PPM1H: variants seen among roughly 807,000 people sequenced by gnomAD.
PPM1H encodes protein phosphatase 1H.
PPM1H carries 27 observed loss-of-function variants against 54.9 expected under a neutral mutation model. That is an observed-to-expected ratio of 0.49 (90% confidence interval 0.36 to 0.68). The LOEUF is 0.68. Ranked by LOEUF, PPM1H falls within the 30% of genes least tolerant of loss-of-function variation. The probability of loss-of-function intolerance (pLI) is 0.00; values close to 1 mark genes in which losing one functional copy is unlikely to be tolerated. For synonymous variants in PPM1H, 305 were observed against 270.8 expected (o/e 1.13, Z -1.24); for missense variants, 596 against 667.8 (o/e 0.89, Z 1.19).
chr12:62,800,737 C>G (rs1181213246), intron 3 of PPM1H, among the ~76,000 whole-genome samples: 1 of 152,146 alleles, frequency 6.6e-6, no homozygotes, highest in Non-Finnish European at 1.5e-5. Flanking sequence ...ATGCAGGCTG[C>G]CGAGCAAGAA....
chr12:62,877,799 T>C (rs1034598687), intron 1 of PPM1H, among the ~76,000 whole-genome samples: 2 of 152,182 alleles, frequency 1.3e-5, no homozygotes, highest in African/African-American at 2.4e-5. Context: ...TTTGCACTAT[T>C]AGACATTCAA....
intron 1 of PPM1H, among the ~76,000 whole-genome samples, chr12:62,904,362 T>C (rs938479141): frequency 1.2e-4 from 18 of 152,048 alleles, no homozygotes; most frequent in Admixed American, 7.2e-4. Flanking sequence ...CCTCAGCCTC[T>C]GAGTAGCAGG....
At chr12:62,712,788 C>A (rs139032234) in intron 6 of PPM1H, among the ~76,000 whole-genome samples, 279 of 152,280 alleles carry the variant, frequency 1.8e-3, no homozygotes, top group Non-Finnish European at 2.4e-3. Flanking sequence ...CCTTTAAAAA[C>A]CGCCTTGGGA....
In PPM1H at chr12:62,648,253, C is replaced by T. The variant is rs1236372146; in HGVS notation, c.*236G>A. 4.1e-6 allele frequency: 2 copies of T among 487,164 alleles called. No individual in the cohort carries two copies. The highest frequency in any genetic ancestry group is 7.4e-6 in the Non-Finnish European group (2 of 271,244). The allele number at this position is 487,164 out of a possible 1,614,324, so 30.2% of individuals were successfully genotyped here. A position where few individuals can be genotyped will look rare whatever the true frequency, so the allele number is the denominator to read the frequency against. Reference sequence around the variant, plus strand: ...GAGGCCTATGAAAGGAACTGAAATACAACAACACTTGGTAGCAGCCTTTGT... The same window carrying T: ...GAGGCCTATGAAAGGAACTGAAATATAACAACACTTGGTAGCAGCCTTTGT... On this transcript the variant is annotated 3_prime_UTR_variant, in exon 10 of 10. Coordinates refer to ENST00000228705, the MANE Select transcript of PPM1H (RefSeq NM_020700.2).
chr12:62,738,943 T>C (rs1283799683), intron 4 of PPM1H, among the ~76,000 whole-genome samples: 1 of 138,562 alleles, frequency 7.2e-6, no homozygotes, highest in Non-Finnish European at 1.6e-5. Flanking sequence ...TCACCACCTG[T>C]GCCCTAGTTG....
At chr12:62,919,157 G>C (rs1218453831) in intron 1 of PPM1H, among the ~76,000 whole-genome samples, 1 of 152,190 alleles carries the variant, frequency 6.6e-6, no homozygotes, top group Non-Finnish European at 1.5e-5. Context: ...GCAACTTGTA[G>C]CACTTTGGAA....
chr12:62,864,220 G>A (rs1869698668), intron 1 of PPM1H, among the ~76,000 whole-genome samples: 1 of 152,198 alleles, frequency 6.6e-6, no homozygotes, highest in Non-Finnish European at 1.5e-5. Flanking sequence ...GGCTACAAAA[G>A]GCTGGTCTAC....
At chr12:62,932,627 G>GTTTTTTTTTTTT (rs1229452777) in intron 1 of PPM1H, among the ~76,000 whole-genome samples, 41 of 22,504 alleles carry the variant, frequency 1.8e-3, no homozygotes, top group Non-Finnish European at 3.9e-3. Flanking sequence ...GTCCAAATGG[G>GTTTTTTTTTTTT]CTTTTTTTTT....
intron 6 of PPM1H, among the ~76,000 whole-genome samples, chr12:62,715,121 C>T (rs558779431): frequency 6.6e-6 from 1 of 152,332 alleles, no homozygotes; most frequent in South Asian, 2.1e-4. Flanking sequence ...GCTGTTTCAA[C>T]TCGGTAACAT....
intron 4 of PPM1H, chr12:62,755,616 T>G: frequency 1.5e-6 from 1 of 655,182 alleles, no homozygotes; most frequent in Admixed American, 2.2e-5. Context: ...CCCCCATGTC[T>G]GTGATGGGCA....
chr12:62,818,355 A>C (rs2076882859), intron 2 of PPM1H, among the ~76,000 whole-genome samples: 1 of 152,214 alleles, frequency 6.6e-6, no homozygotes, highest in African/African-American at 2.4e-5. Flanking sequence ...CAGTATGATA[A>C]ATAAAGACTC....
chr12:62,725,362 T>C (rs935619298), intron 5 of PPM1H, among the ~76,000 whole-genome samples: 1 of 152,140 alleles, frequency 6.6e-6, no homozygotes, highest in African/African-American at 2.4e-5. Flanking sequence ...CCCTCTCCCC[T>C]GAAGCAGGTC....
intron 1 of PPM1H, among the ~76,000 whole-genome samples, chr12:62,876,878 A>G (rs1250305252): frequency 6.6e-6 from 1 of 152,166 alleles, no homozygotes; most frequent in Non-Finnish European, 1.5e-5. Flanking sequence ...AAGGTGTTGA[A>G]TCCAATGATG....
At chr12:62,878,003 T>G (rs918272509) in intron 1 of PPM1H, among the ~76,000 whole-genome samples, 9 of 152,148 alleles carry the variant, frequency 5.9e-5, no homozygotes, top group African/African-American at 2.2e-4. Context: ...GTTCACACCA[T>G]TCTCCTGTCT....
chr12:62,922,590 C>T (rs940489509), intron 1 of PPM1H, among the ~76,000 whole-genome samples: 2 of 152,088 alleles, frequency 1.3e-5, no homozygotes, highest in South Asian at 4.1e-4. Flanking sequence ...AGCATAAAGT[C>T]CACAGAAAGA....
intron 4 of PPM1H, among the ~76,000 whole-genome samples, chr12:62,754,391 C>A (rs1486586929): frequency 6.6e-6 from 1 of 152,070 alleles, no homozygotes; most frequent in Non-Finnish European, 1.5e-5. Context: ...CATGATGAGA[C>A]CCCGTCTCTA....
At chr12:62,752,920 T>C (rs1402007643) in intron 4 of PPM1H, among the ~76,000 whole-genome samples, 1 of 151,618 alleles carries the variant, frequency 6.6e-6, no homozygotes, top group Non-Finnish European at 1.5e-5. Flanking sequence ...AGCAGAAGAG[T>C]TGGTCTGGAG....
At chr12:62,832,042 A>G in intron 2 of PPM1H, 72 bp downstream of exon 2, 1 of 1,526,160 alleles carries the variant, frequency 6.6e-7, no homozygotes, top group Non-Finnish European at 9.0e-7. Flanking sequence ...GTGAAGCCCT[A>G]ATGTCTTCCA....
intron 1 of PPM1H, among the ~76,000 whole-genome samples, chr12:62,873,098 A>G (rs1870042976): frequency 6.6e-6 from 1 of 152,352 alleles, no homozygotes; most frequent in Admixed American, 6.5e-5. Context: ...GGTTAGTGGC[A>G]GGGTTAGGAC....
Sources: gnomAD v4.1 joint callset for allele counts (sites outside exome capture counted in the v4.1 genomes callset) on GRCh38, gnomAD v4.1.1 for gene constraint, MANE v1.5 for transcripts, NCBI Gene and HGNC (gene_info 2026-07-23, HGNC 2026-07-21) for gene names.